The following CAMTA1 variants were observed in gnomAD, a reference collection of about 807,000 sequenced individuals.
CAMTA1 encodes calmodulin binding transcription activator 1.
In CAMTA1, 27 loss-of-function variants were observed where a neutral mutation model predicts 170.9. The ratio of observed to expected loss-of-function variants is 0.16; its 90% CI spans 0.12 to 0.22. CAMTA1 has a LOEUF of 0.22. CAMTA1 is among the 10% of genes least tolerant of loss of function. The pLI, the probability that CAMTA1 is intolerant of heterozygous loss-of-function variation, is 1.00. For missense variants in CAMTA1, 1,619 were observed against 2,217.2 expected, an observed-to-expected ratio of 0.73 and a Z score of 5.42; for synonymous variants, 833 against 891.5, an observed-to-expected ratio of 0.93 and a Z score of 1.17.
intron 3 of CAMTA1, among the ~76,000 whole-genome samples, chr1:6,924,305 G>GGCTGGGAGGGGATCAGGCCA: frequency 3.3e-5 from 5 of 151,982 alleles, no homozygotes; most frequent in African/African-American, 1.2e-4. Context: ...GAGGGGCTCA[G>GGCTGGGAGGGGATCAGGCCA]GCTGGGAGGG....
At chr1:7,172,506 G>A (rs1200905016) in intron 4 of CAMTA1, among the ~76,000 whole-genome samples, 1 of 148,908 alleles carries the variant, frequency 6.7e-6, no homozygotes, top group Non-Finnish European at 1.5e-5. Context: ...TGCGGAGCAT[G>A]AACAACAGCA....
At chr1:7,505,401 C>T (rs910865912) in intron 6 of CAMTA1, among the ~76,000 whole-genome samples, 3 of 152,194 alleles carry the variant, frequency 2.0e-5, no homozygotes, top group African/African-American at 7.2e-5. Context: ...AAAAGAAAAA[C>T]AGTCCTGGGC....
chr1:7,226,864 GCT>G (rs1661794935), intron 4 of CAMTA1, among the ~76,000 whole-genome samples: 1 of 150,858 alleles, frequency 6.6e-6, no homozygotes, highest in Non-Finnish European at 1.5e-5. Context: ...ATGGAGTCTC[GCT>G]CTGTCACCCG....
intron 3 of CAMTA1, among the ~76,000 whole-genome samples, chr1:6,976,277 C>T (rs138969980): frequency 6.9e-4 from 105 of 152,278 alleles, no homozygotes; most frequent in Non-Finnish European, 1.1e-3. Flanking sequence ...AAGGAGAACT[C>T]ATCAGCAGGA....
Position 6,965,384 on chromosome 1 carries a change from A to G in CAMTA1, c.235-125920A>G, listed in dbSNP as rs1033499122. Among the ~76,000 whole-genome samples, 3 of 152,186 alleles carry G rather than the reference A, an allele frequency of 2.0e-5. No homozygotes were observed. Among genetic ancestry groups the G allele is most frequent in the East Asian group, 1.9e-4 (1 of 5,196 alleles). On this transcript the variant is annotated intron_variant, in intron 3 of 22. Coordinates refer to ENST00000303635, the MANE Select transcript of CAMTA1 (RefSeq NM_015215.4). The surrounding 1 kb of genome is among the most constrained non-coding windows in gnomAD (Gnocchi z 4.1). ...GAGCAGAGGCATTCTGTTGTTATAA[A>G]TAAGGCTGGTTTTTATATTCCCATT...
intron 5 of CAMTA1, among the ~76,000 whole-genome samples, chr1:7,417,152 A>C (rs1414749657): frequency 6.6e-6 from 1 of 152,250 alleles, no homozygotes; most frequent in Non-Finnish European, 1.5e-5. Flanking sequence ...GTCTCAGAGG[A>C]GTACCCGGCC....
At chr1:7,339,596 T>TTTTTTG (rs995864864) in intron 5 of CAMTA1, among the ~76,000 whole-genome samples, 12 of 152,148 alleles carry the variant, frequency 7.9e-5, no homozygotes, top group Admixed American at 2.6e-4. Flanking sequence ...TGTTGGTTGT[T>TTTTTTG]TTTTTGTTTT....
chr1:6,952,424 C>T (rs1173888400), intron 3 of CAMTA1, among the ~76,000 whole-genome samples: 1 of 80,822 alleles, frequency 1.2e-5, no homozygotes, highest in Non-Finnish European at 2.2e-5. Flanking sequence ...GAGCGAGACT[C>T]TGTCTCAAAA....
intron 5 of CAMTA1, among the ~76,000 whole-genome samples, chr1:7,351,058 C>A (rs2084632604): frequency 6.6e-6 from 1 of 152,220 alleles, no homozygotes; most frequent in South Asian, 2.1e-4. Context: ...TGAGGTCCCT[C>A]CTGAGCATTT....
At chr1:6,790,868 C>A (rs1260990073) in intron 1 of CAMTA1, among the ~76,000 whole-genome samples, 1 of 151,918 alleles carries the variant, frequency 6.6e-6, no homozygotes, top group East Asian at 1.9e-4. Context: ...TTGAAATACC[C>A]CTTTTCTTTT....
chr1:7,664,638 G>A lies in CAMTA1; in HGVS notation c.2091G>A (p.Ala697=), dbSNP rs1229139915. 14 of 1,607,312 alleles carry A rather than the reference G, an allele frequency of 8.7e-6. No individual in the cohort carries two copies. The highest frequency in any genetic ancestry group is 4.0e-5 in the African/African-American group (3 of 74,818). Residue 697 remains alanine (A), a synonymous_variant, in exon 9 of 23, where the codon GCG becomes GCA. Transcript: ENST00000303635. ...AGGTCACCATGGAGACCTCGCAGGC[G>A]GCGGAAGGGAGCGAGGTCCTGCTCA... is the stretch of plus-strand genomic sequence containing the variant. ...EGEVTMETSQ[A]AEGSEVLLKS... is the part of the protein sequence containing the mutation.
At chr1:7,225,091 CT>C (rs58965156) in intron 4 of CAMTA1, among the ~76,000 whole-genome samples, 63 of 146,816 alleles carry the variant, frequency 4.3e-4, no homozygotes, top group East Asian at 4.0e-4. Flanking sequence ...TGGCAGATCT[CT>C]TTTTTTTTTT....
At position 7,496,312 on chromosome 1, in the gene CAMTA1, C is replaced by T. The variant is rs534556916; in HGVS notation, c.510+28411C>T. On this transcript the variant is annotated intron_variant, in intron 6 of 22. Transcript: ENST00000303635. Reference sequence around the variant, plus strand: ...TGGCTCTATGTGGGGCACGTGAGCTCGTGACTTTCCGGGTATGGGCGTGGC... The same window carrying T: ...TGGCTCTATGTGGGGCACGTGAGCTTGTGACTTTCCGGGTATGGGCGTGGC... 7.2e-5 allele frequency among the ~76,000 whole-genome samples: 11 copies of T among 152,288 alleles called. No homozygotes were observed. The East Asian group carries it at 1.2e-3, about 16-fold the overall frequency.
chr1:7,712,111 A>G (rs1307939155), intron 11 of CAMTA1, among the ~76,000 whole-genome samples: 1 of 152,224 alleles, frequency 6.6e-6, no homozygotes, highest in East Asian at 1.9e-4. Flanking sequence ...CCTCGCATTT[A>G]TATATTAAGT....
intron 6 of CAMTA1, among the ~76,000 whole-genome samples, chr1:7,560,991 T>C (rs946805087): frequency 2.6e-5 from 4 of 151,986 alleles, no homozygotes; most frequent in Non-Finnish European, 4.4e-5. Context: ...GGGTGACTCG[T>C]ATGACTGTGA....
chr1:7,410,392 G>T (rs2090629951), intron 5 of CAMTA1, among the ~76,000 whole-genome samples: 1 of 152,234 alleles, frequency 6.6e-6, no homozygotes, highest in Non-Finnish European at 1.5e-5. Flanking sequence ...CCTCTGAATG[G>T]CCAGGGCCCC....
chr1:7,370,266 T>C (rs1485053656), intron 5 of CAMTA1: 4 of 152,240 alleles, frequency 2.6e-5, no homozygotes, highest in Admixed American at 2.6e-4. Flanking sequence ...GACTTAAACA[T>C]GGAACAATGC....
At chr1:6,943,730 C>T (rs550736180) in intron 3 of CAMTA1, among the ~76,000 whole-genome samples, 100 of 151,508 alleles carry the variant, frequency 6.6e-4, no homozygotes, top group Non-Finnish European at 1.0e-3. Flanking sequence ...GCCTGTAACC[C>T]CAGCTACTCA....
At chr1:7,305,945 T>C (rs1284524416) in intron 5 of CAMTA1, among the ~76,000 whole-genome samples, 1 of 152,060 alleles carries the variant, frequency 6.6e-6, no homozygotes, top group African/African-American at 2.4e-5. Context: ...GGGCTTATTT[T>C]CCATTTCTGT....
Sources: gnomAD v4.1 joint callset for allele counts (sites outside exome capture counted in the v4.1 genomes callset) on GRCh38, gnomAD v4.1.1 for gene constraint, Gnocchi (gnomAD v3.1) non-coding constraint, MANE v1.5 for transcripts, NCBI Gene and HGNC (gene_info 2026-07-23, HGNC 2026-07-21) for gene names.